Variants in PLCG2 observed in about 807,000 individuals in gnomAD.
PLCG2 encodes 1-phosphatidylinositol 4,5-bisphosphate phosphodiesterase gamma-2.
In PLCG2, 69 loss-of-function variants were observed where a neutral mutation model predicts 175.6. The ratio of observed to expected loss-of-function variants is 0.39; its 90% CI spans 0.32 to 0.48. The LOEUF is 0.48. Among genes scored for constraint, PLCG2 ranks in the 20% least tolerant of loss-of-function variants. PLCG2 has a pLI of 0.91. For missense variants in PLCG2, 1,798 were observed against 1,650.9 expected (o/e 1.09, Z -1.54); for synonymous variants, 827 against 624.0 (o/e 1.33, Z -4.85).
At chr16:81,887,219 A>T (rs1409566465) in intron 9 of PLCG2, among the ~76,000 whole-genome samples, 3 of 151,334 alleles carry the variant, frequency 2.0e-5, no homozygotes, top group Non-Finnish European at 1.5e-5. Flanking sequence ...TCCTGGGTTC[A>T]CGCCATTCTC....
intron 2 of PLCG2, among the ~76,000 whole-genome samples, chr16:81,757,191 C>A (rs1909946175): frequency 6.6e-6 from 1 of 152,062 alleles, no homozygotes; most frequent in Non-Finnish European, 1.5e-5. Flanking sequence ...ACTCATCCAC[C>A]CATCCGATCA....
At chr16:81,908,084 G>A (rs1909456021) in intron 16 of PLCG2, among the ~76,000 whole-genome samples, 1 of 152,204 alleles carries the variant, frequency 6.6e-6, no homozygotes, top group Non-Finnish European at 1.5e-5. Flanking sequence ...TCCAGCTGTG[G>A]TCATCTTTCC....
intron 2 of PLCG2, among the ~76,000 whole-genome samples, chr16:81,794,954 C>T (rs983091012): frequency 6.6e-6 from 1 of 152,178 alleles, no homozygotes. Context: ...TGCTATAGCC[C>T]TTCTCTTATG....
At chr16:81,882,543 C>T (rs1727787579) in intron 8 of PLCG2, among the ~76,000 whole-genome samples, 1 of 152,082 alleles carries the variant, frequency 6.6e-6, no homozygotes, top group African/African-American at 2.4e-5. Context: ...GTGTCGAGCC[C>T]TGTCTGGGTA....
At chr16:81,777,028 A>G (rs1910425740), upstream of PLCG2, among the ~76,000 whole-genome samples, 1 of 142,462 alleles carries the variant, frequency 7.0e-6, no homozygotes, top group Non-Finnish European at 1.6e-5. Flanking sequence ...AACATGAAAG[A>G]AAAAAAAGCA....
At chr16:81,891,688 A>G (rs973616039) in intron 11 of PLCG2, 98 bp downstream of exon 11, 2 of 740,662 alleles carry the variant, frequency 2.7e-6, no homozygotes, top group African/African-American at 3.4e-5. Flanking sequence ...CCTGTTGTGA[A>G]GCAGGTGGAG....
chr16:81,762,892 TACAA>T (rs910891790), intron 2 of PLCG2, among the ~76,000 whole-genome samples: 16 of 152,100 alleles, frequency 1.1e-4, no homozygotes, highest in Admixed American at 8.5e-4. Context: ...ACCTCACCTC[TACAA>T]ACAAATTTTT....
chr16:81,794,948 A>G lies in PLCG2; in HGVS notation c.193+8766A>G, dbSNP rs183214507. Among the ~76,000 whole-genome samples the G allele has an allele frequency of 3.9e-5, 6 of 152,340 alleles. No homozygotes were observed. In the East Asian group the frequency reaches 5.8e-4, roughly 15 times the overall value. On this transcript the variant is annotated intron_variant, in intron 2 of 32. Coordinates refer to ENST00000564138, the MANE Select transcript of PLCG2 (RefSeq NM_002661.5). ...TGACATTTTTATTCTTGATGGTGCT[A>G]TAGCCCTTCTCTTATGCTGAATAGC...
chr16:81,921,606 C>T (rs1910064875), intron 21 of PLCG2: 1 of 368,706 alleles, frequency 2.7e-6, no homozygotes, highest in Non-Finnish European at 5.2e-6. Flanking sequence ...CCATTTGGTT[C>T]ACTGACCTCC....
At chr16:81,796,190 A>T (rs777220883) in intron 2 of PLCG2, among the ~76,000 whole-genome samples, 2 of 152,212 alleles carry the variant, frequency 1.3e-5, no homozygotes, top group Non-Finnish European at 2.9e-5. Context: ...GCTGATGGTG[A>T]TGTCTCTTAG....
intron 31 of PLCG2, 148 bp downstream of exon 31, chr16:81,946,411 T>C: frequency 3.1e-6 from 2 of 638,436 alleles, no homozygotes; most frequent in Non-Finnish European, 5.8e-6. Flanking sequence ...AATTCCTTTT[T>C]GCTAATTCCC....
chr16:81,843,272 C>G (rs1034659012), intron 2 of PLCG2, among the ~76,000 whole-genome samples: 1 of 152,192 alleles, frequency 6.6e-6, no homozygotes, highest in Non-Finnish European at 1.5e-5. Flanking sequence ...ATCTCCTTCT[C>G]ACTAGTAGTG....
intron 13 of PLCG2, among the ~76,000 whole-genome samples, chr16:81,896,646 T>G (rs962962445): frequency 3.3e-5 from 5 of 152,168 alleles, no homozygotes; most frequent in African/African-American, 9.7e-5. Flanking sequence ...ATTCCCCTTC[T>G]GTCCTAATTC....
At chr16:81,876,268 CCG>C (rs1332921491) in intron 7 of PLCG2, among the ~76,000 whole-genome samples, 1 of 152,160 alleles carries the variant, frequency 6.6e-6, no homozygotes, top group Non-Finnish European at 1.5e-5. Flanking sequence ...AGTGATCCAC[CCG>C]CCTTGGCCTC....
At chr16:81,745,066 G>C (rs1202715315) in intron 1 of PLCG2, among the ~76,000 whole-genome samples, 1 of 152,170 alleles carries the variant, frequency 6.6e-6, no homozygotes, top group Non-Finnish European at 1.5e-5. Flanking sequence ...ATTCAGCAAA[G>C]AATATAAGAT....
intron 7 of PLCG2, among the ~76,000 whole-genome samples, chr16:81,872,390 G>T (rs1907559277): frequency 6.6e-6 from 1 of 152,168 alleles, no homozygotes; most frequent in Non-Finnish European, 1.5e-5. Flanking sequence ...TGAGCAAGGG[G>T]AGAGTATGGA....
chr16:81,786,373 G>C (rs975669749), intron 2 of PLCG2, among the ~76,000 whole-genome samples, 191 bp downstream of exon 2: 1 of 152,192 alleles, frequency 6.6e-6, no homozygotes, highest in Non-Finnish European at 1.5e-5. Context: ...AGGAAGTTCA[G>C]CTGGGAAAAC....
At chr16:81,819,437 G>T (rs966941201) in intron 2 of PLCG2, among the ~76,000 whole-genome samples, 3 of 152,146 alleles carry the variant, frequency 2.0e-5, no homozygotes, top group African/African-American at 7.2e-5. Flanking sequence ...CAAGGATTTG[G>T]CTTGGGGCAC....
intron 2 of PLCG2, among the ~76,000 whole-genome samples, chr16:81,837,077 G>A (rs925367459): frequency 4.7e-4 from 71 of 152,268 alleles, no homozygotes; most frequent in African/African-American, 1.7e-3. Flanking sequence ...GGCCATCCAA[G>A]TTAAGGTAGT....
Sources: allele counts gnomAD v4.1 joint callset (sites outside exome capture counted in the v4.1 genomes callset), GRCh38; gene constraint gnomAD v4.1.1; transcripts MANE v1.5; gene names NCBI Gene and HGNC (gene_info 2026-07-23, HGNC 2026-07-21).